ZNF221: variants seen among roughly 807,000 people sequenced by gnomAD.
The protein encoded by ZNF221 is zinc finger protein 221.
ZNF221 carries 10 observed loss-of-function variants against 12.6 expected under a neutral mutation model. The observed-to-expected ratio is 0.79, with a 90% CI of 0.49 to 1.34. The LOEUF (loss-of-function observed/expected upper bound fraction) is 1.34, where lower values mean the gene tolerates loss of function less well. Among genes scored for constraint, ZNF221 ranks in the 40% most tolerant of loss-of-function variants. The pLI, the probability that ZNF221 is intolerant of heterozygous loss-of-function variation, is 0.00. For synonymous variants in ZNF221, 232 were observed against 244.0 expected (o/e 0.95, Z 0.46); for missense variants, 661 against 721.4 (o/e 0.92, Z 0.96).
downstream of ZNF221, among the ~76,000 whole-genome samples, chr19:43,968,854 A>G (rs568075437): frequency 2.0e-5 from 3 of 152,310 alleles, no homozygotes; most frequent in African/African-American, 7.2e-5. Context: ...CATGCTACTC[A>G]AGGATCTTTG....
chr19:43,974,621 A>G, the ZNF221 span, among the ~76,000 whole-genome samples: 4 of 53,126 alleles, frequency 7.5e-5, no homozygotes, highest in African/African-American at 1.7e-4. Flanking sequence ...CATGCAGCTG[A>G]CAAACATGAA....
chr19:43,973,775 A>G, the ZNF221 span, among the ~76,000 whole-genome samples: 1 of 152,240 alleles, frequency 6.6e-6, no homozygotes, highest in African/African-American at 2.4e-5. Context: ...AAAACATTTC[A>G]TGCTCATGGA....
chr19:43,964,894 C>G, intron 2 of ZNF221, 56 bp from the exon 3 acceptor site: 2 of 1,611,662 alleles, frequency 1.2e-6, no homozygotes, highest in Admixed American at 3.3e-5. Flanking sequence ...TAGTGCCACC[C>G]TTCTTTGAAT....
In ZNF221 at chr19:43,956,549, T is replaced by G. The variant is rs926913849; in HGVS notation, c.-3+5149T>G. 5.4e-5 allele frequency among the ~76,000 whole-genome samples: 6 copies of G among 110,458 alleles called. No homozygotes were observed. In the Admixed American group the frequency reaches 6.4e-4, roughly 12 times the overall value. The allele number at this position is 110,458 out of a possible 152,430, so 72.5% of individuals were successfully genotyped here. A position where few individuals can be genotyped will look rare whatever the true frequency, so the allele number is the denominator to read the frequency against. Reference sequence around the variant, plus strand: ...AACACTGAGAGTCAGCAGGAGGGGATTGAGCCAAAGGACCCTGGCTCTTGT... The same window carrying G: ...AACACTGAGAGTCAGCAGGAGGGGAGTGAGCCAAAGGACCCTGGCTCTTGT... On this transcript the variant is annotated intron_variant, in intron 1 of 4. Coordinates refer to ENST00000587682, the MANE Select transcript of ZNF221 (RefSeq NM_001297588.2).
At chr19:43,977,423 T>TA in the ZNF221 span, 3 of 152,130 alleles carry the variant, frequency 2.0e-5, no homozygotes, top group African/African-American at 2.4e-5. Flanking sequence ...TATTTCAAAA[T>TA]AAAAAAATGT....
At chr19:43,981,453 A>G in the ZNF221 span, among the ~76,000 whole-genome samples, 3 of 152,356 alleles carry the variant, frequency 2.0e-5, no homozygotes, top group Non-Finnish European at 4.4e-5. Context: ...TGTATCTTCA[A>G]CAGGGATAAT....
chr19:43,972,477 G>GT (rs745494533), downstream of ZNF221, among the ~76,000 whole-genome samples: 7 of 151,714 alleles, frequency 4.6e-5, no homozygotes, highest in Non-Finnish European at 7.4e-5. Context: ...CCAGGAGCTG[G>GT]TTTTTTGAAA....
chr19:43,980,797 A>C, the ZNF221 span, among the ~76,000 whole-genome samples: 1 of 152,156 alleles, frequency 6.6e-6, no homozygotes, highest in Non-Finnish European at 1.5e-5. Flanking sequence ...TTCCTCATTG[A>C]GGCGTGCTAC....
the ZNF221 span, among the ~76,000 whole-genome samples, chr19:43,978,820 A>C: frequency 6.6e-6 from 1 of 152,056 alleles, no homozygotes; most frequent in Non-Finnish European, 1.5e-5. Context: ...GCAGAGTCTC[A>C]ATCTCTGTGT....
intron 2 of ZNF221, among the ~76,000 whole-genome samples, chr19:43,964,518 T>G (rs1483825624): frequency 6.6e-6 from 1 of 152,142 alleles, no homozygotes; most frequent in East Asian, 1.9e-4. Flanking sequence ...AAAGAAAAGT[T>G]AACAACATCC....
chr19:43,974,332 C>A, the ZNF221 span, among the ~76,000 whole-genome samples: 1 of 152,148 alleles, frequency 6.6e-6, no homozygotes, highest in Non-Finnish European at 1.5e-5. Flanking sequence ...GACATAGGGA[C>A]AGGCAAAGAT....
In ZNF221 at chr19:43,966,407, G is replaced by C. The variant is rs557392063; in HGVS notation, c.905G>C (p.Arg302Thr). Residue 302 changes from arginine (R) to threonine (T), a missense_variant, in exon 5 of 5, where the codon AGA becomes ACA. By Grantham distance (71) the Arg-to-Thr change is moderately conservative. Coordinates refer to ENST00000587682, the MANE Select transcript of ZNF221 (RefSeq NM_001297588.2). ...GATTCACAGCTTCAAGAACATCAGA[G>C]AATCCATACTGGGGAGAAGCCATTC... The part of the protein sequence containing the change: ...IHDSQLQEHQ[R>T]IHTGEKPFKC... 1.2e-6 allele frequency: 2 copies of C among 1,613,728 alleles called. No individual in the cohort carries two copies. The highest frequency in any genetic ancestry group is 3.3e-5 in the Admixed American group (2 of 59,982).
chr19:43,963,930 T>G (rs906847278), intron 2 of ZNF221, among the ~76,000 whole-genome samples: 2 of 152,116 alleles, frequency 1.3e-5, no homozygotes, highest in Non-Finnish European at 2.9e-5. Context: ...GGTAAAAAAT[T>G]TGGAAGAAAG....
rs779259840 is a variant in ZNF221, at chr19:43,966,931, C to A, written c.1429C>A (p.Pro477Thr). Residue 477 changes from proline to threonine, a missense_variant, in exon 5 of 5, where the codon CCC becomes ACC. Transcript: ENST00000587682. The part of the protein sequence containing the change: ...FHQRVHTGER[P>T]YNCKECGKSF... ...CCAGAGGGTCCACACGGGTGAGAGA[C>A]CCTATAATTGTAAGGAATGTGGCAA... 7.4e-6 allele frequency: 12 copies of A among 1,614,200 alleles called. No individual in the cohort carries two copies. The Admixed American group carries it at 1.7e-4, about 22-fold the overall frequency.
At chr19:43,973,481 A>G in the ZNF221 span, among the ~76,000 whole-genome samples, 1 of 152,216 alleles carries the variant, frequency 6.6e-6, no homozygotes, top group African/African-American at 2.4e-5. Context: ...TGCAGATGAC[A>G]TGATCCTATA....
At chr19:43,962,655 C>A in intron 1 of ZNF221, 70 bp from the exon 2 acceptor site, 1 of 1,414,012 alleles carries the variant, frequency 7.1e-7, no homozygotes, top group Non-Finnish European at 1.0e-6. Context: ...AAATACTTGT[C>A]TATGTTGGTG....
At chr19:43,975,705 G>GA in the ZNF221 span, among the ~76,000 whole-genome samples, 1 of 152,084 alleles carries the variant, frequency 6.6e-6, no homozygotes, top group African/African-American at 2.4e-5. Flanking sequence ...AAAAGTTGAA[G>GA]AAAAAACTAA....
intron 1 of ZNF221, among the ~76,000 whole-genome samples, chr19:43,953,256 GC>G (rs1406135991): frequency 7.2e-6 from 1 of 138,150 alleles, no homozygotes; most frequent in Non-Finnish European, 1.5e-5. Context: ...CAGTCATTAA[GC>G]TTTTTTTTTT....
chr19:43,961,612 G>C (rs184604213), intron 1 of ZNF221, among the ~76,000 whole-genome samples: 1 of 151,646 alleles, frequency 6.6e-6, no homozygotes, highest in African/African-American at 2.4e-5. Flanking sequence ...TAAATTTGTT[G>C]TGCTTTTTAA....
Sources: allele counts gnomAD v4.1 joint callset (sites outside exome capture counted in the v4.1 genomes callset), GRCh38; gene constraint gnomAD v4.1.1; transcripts MANE v1.5; gene names NCBI Gene and HGNC (gene_info 2026-07-23, HGNC 2026-07-21).